EFHC2: variants seen among roughly 807,000 people sequenced by gnomAD.
The protein encoded by EFHC2 is EF-hand domain-containing family member C2.
Under a neutral mutation model 52.7 loss-of-function variants are expected in EFHC2, and 18 were observed. That is an observed-to-expected ratio of 0.34 (90% CI 0.24 to 0.51). The LOEUF (loss-of-function observed/expected upper bound fraction) is 0.51. EFHC2 is among the 20% of genes least tolerant of loss of function. The pLI is 0.97. For synonymous variants in EFHC2, 203 were observed against 204.1 expected, an observed-to-expected ratio of 0.99 and a Z score of 0.04; for missense variants, 513 against 562.5, an observed-to-expected ratio of 0.91 and a Z score of 0.89.
intron 1 of EFHC2, among the ~76,000 whole-genome samples, chrX:44,332,380 T>A (rs919218293): frequency 1.0e-4 from 11 of 110,550 alleles, no homozygotes; most frequent in African/African-American, 3.6e-4. Flanking sequence ...TCCTTTGGGA[T>A]GTCAAACATA....
chrX:44,232,549 C>T lies in EFHC2; in HGVS notation c.1552G>A (p.Gly518Ser). 1 of 1,183,563 alleles carries T rather than the reference C, an allele frequency of 8.4e-7. No individual in the cohort carries two copies. Among genetic ancestry groups the T allele is most frequent in the Non-Finnish European group, 1.1e-6 (1 of 880,838 alleles). Reference protein sequence around the residue: ...LYIGVTVNVNGYLFRLLNADE... With the variant: ...LYIGVTVNVNSYLFRLLNADE... ...GCATTGAGCAAACGAAATAGGTAACCATTCACATTCACCGTGACTCCAATG... is the reference window on the plus strand; with the variant it reads ...GCATTGAGCAAACGAAATAGGTAACTATTCACATTCACCGTGACTCCAATG... The change falls in exon 10 of 15, where the codon GGT becomes AGT. Residue 518 changes from glycine (G) to serine (S), a missense_variant. Physicochemically the swap from Gly to Ser is moderately conservative, Grantham distance 56. Coordinates refer to ENST00000420999, the MANE Select transcript of EFHC2 (RefSeq NM_025184.4).
intron 11 of EFHC2, among the ~76,000 whole-genome samples, chrX:44,202,726 G>A (rs1214718179): frequency 9.0e-6 from 1 of 110,695 alleles, no homozygotes; most frequent in Non-Finnish European, 1.9e-5. Flanking sequence ...TTGAGCCACT[G>A]CACCACCAGA....
intron 2 of EFHC2, among the ~76,000 whole-genome samples, chrX:44,301,564 A>G (rs1033301709): frequency 8.9e-6 from 1 of 112,066 alleles, no homozygotes; most frequent in Non-Finnish European, 1.9e-5. Flanking sequence ...TTTATATACC[A>G]TAAAATTTAC....
Position 44,343,538 on chromosome X carries a change from C to T in EFHC2, c.42+9G>A, listed in dbSNP as rs756023803. ...GGGAGCTGTGACCTCGGACGCCCTT[C>T]CTACTCACGTTGCGGTTGAAGCTGT... On this transcript the variant is annotated intron_variant, in intron 1 of 14. Transcript: ENST00000420999. 1.2e-5 allele frequency: 14 copies of T among 1,192,047 alleles called. No individual in the cohort carries two copies. In the Admixed American group the frequency reaches 2.5e-4, roughly 22 times the overall value.
intron 1 of EFHC2, among the ~76,000 whole-genome samples, chrX:44,337,788 G>C (rs1488199473): frequency 1.8e-5 from 2 of 112,160 alleles, no homozygotes; most frequent in African/African-American, 6.5e-5. Flanking sequence ...CAATGAGTGA[G>C]AATTCCTGTT....
Position 44,242,268 on chromosome X carries a change from C to A in EFHC2, c.1133G>T (p.Cys378Phe). The A allele has an allele frequency of 8.3e-7, 1 of 1,207,515 alleles. No individual in the cohort carries two copies. Among genetic ancestry groups the A allele is most frequent in the East Asian group, 3.0e-5 (1 of 33,759 alleles). ...TTTTGGAGGAGGAGAAGGAGGCTTG[C>A]ATGAAACTGAGGTAAAGTTCTCTAG... ...YGIENFTSVS[C>F]KPPSPPPKIE... The change falls in exon 8 of 15, where the codon TGC (cysteine) becomes TTC (phenylalanine). Residue 378 changes from cysteine (C) to phenylalanine (F), a missense_variant. Coordinates refer to ENST00000420999, the MANE Select transcript of EFHC2 (RefSeq NM_025184.4).
intron 2 of EFHC2, among the ~76,000 whole-genome samples, chrX:44,307,349 CTT>C (rs2037913237): frequency 8.9e-6 from 1 of 112,056 alleles, no homozygotes; most frequent in South Asian, 3.7e-4. Context: ...TTGAAAACGT[CTT>C]TTATTTTTTT....
intron 6 of EFHC2, 51 bp from the exon 7 acceptor site, chrX:44,248,461 C>A (rs1453901356): frequency 9.8e-6 from 11 of 1,125,911 alleles, no homozygotes; most frequent in Non-Finnish European, 1.1e-5. Context: ...CTCCAAAGAA[C>A]CAGGAACCCC....
intron 9 of EFHC2, among the ~76,000 whole-genome samples, chrX:44,235,058 A>G (rs902832385): frequency 2.7e-5 from 3 of 111,346 alleles, no homozygotes; most frequent in African/African-American, 9.8e-5. Context: ...GGATAGTGGC[A>G]AGAAGGAGGT....
chrX:44,180,819 G>A (rs183445927), intron 11 of EFHC2, among the ~76,000 whole-genome samples: 1 of 109,621 alleles, frequency 9.1e-6, no homozygotes, highest in African/African-American at 3.3e-5. Flanking sequence ...AAGTTATGAT[G>A]TCTGGGAGGC....
At chrX:44,203,868 G>A (rs946208448) in intron 11 of EFHC2, among the ~76,000 whole-genome samples, 6 of 110,652 alleles carry the variant, frequency 5.4e-5, no homozygotes, top group African/African-American at 2.0e-4. Context: ...GGGATTACAG[G>A]TGTGAGCCAC....
chrX:44,201,625 T>C (rs1252400049), intron 11 of EFHC2, among the ~76,000 whole-genome samples: 2 of 110,855 alleles, frequency 1.8e-5, no homozygotes, highest in African/African-American at 6.6e-5. Flanking sequence ...GAAATAGAAA[T>C]CTGGAATAAA....
chrX:44,330,337 CATAAA>C (rs2038079478), intron 1 of EFHC2, among the ~76,000 whole-genome samples: 1 of 110,883 alleles, frequency 9.0e-6, no homozygotes, highest in African/African-American at 3.3e-5. Flanking sequence ...AAGCACAACT[CATAAA>C]AGAAAAAAAC....
intron 2 of EFHC2, among the ~76,000 whole-genome samples, chrX:44,300,070 G>A (rs1037850058): frequency 1.8e-5 from 2 of 111,384 alleles, no homozygotes; most frequent in African/African-American, 6.5e-5. Flanking sequence ...ACAAAATAAA[G>A]GAAGGTAAAT....
At chrX:44,309,512 A>T in intron 2 of EFHC2, 1 of 1,209,362 alleles carries the variant, frequency 8.3e-7, no homozygotes, top group Non-Finnish European at 1.1e-6. Context: ...AACTCAATGT[A>T]TTGCTTCATT....
rs776104464 is a variant in EFHC2 at position 44,310,449 on chromosome X, G to A, written c.231+2119C>T. 218 of 843,552 alleles carry A rather than the reference G, an allele frequency of 2.6e-4. 1 individual carries two copies. The African/African-American group carries it at 4.1e-3, about 16-fold the overall frequency. The allele number at this position is 843,552 out of a possible 1,213,427, so 69.5% of individuals were successfully genotyped here. A position where few individuals can be genotyped will look rare whatever the true frequency, so the allele number is the denominator to read the frequency against. On this transcript the variant is annotated intron_variant, in intron 2 of 14. Coordinates refer to ENST00000420999, the MANE Select transcript of EFHC2 (RefSeq NM_025184.4). ...TGCAGCTGCTGCGGGTCCGTAATGT[G>A]CAGCAGCGGGACGCGGACGGAGAGC...
chrX:44,176,034 G>A (rs1268414473), intron 13 of EFHC2, among the ~76,000 whole-genome samples: 1 of 112,091 alleles, frequency 8.9e-6, no homozygotes, highest in Non-Finnish European at 1.9e-5. Flanking sequence ...ATTTCATTTT[G>A]TCCCAGGAAT....
intron 2 of EFHC2, among the ~76,000 whole-genome samples, chrX:44,304,497 G>A (rs1258964433): frequency 1.8e-5 from 2 of 111,583 alleles, no homozygotes; most frequent in Non-Finnish European, 3.8e-5. Context: ...TTTATATGAT[G>A]AGGACAACCG....
intron 2 of EFHC2, among the ~76,000 whole-genome samples, chrX:44,297,061 C>T (rs1419885484): frequency 1.8e-5 from 2 of 112,104 alleles, no homozygotes; most frequent in African/African-American, 6.5e-5. Flanking sequence ...TTCTTCGTGA[C>T]TACTATGACC....
Sources: allele counts gnomAD v4.1 joint callset (sites outside exome capture counted in the v4.1 genomes callset), GRCh38; gene constraint gnomAD v4.1.1; transcripts MANE v1.5; gene names NCBI Gene and HGNC (gene_info 2026-07-23, HGNC 2026-07-21).